Variants in PID1 observed in about 807,000 individuals in gnomAD.
PID1 encodes PTB-containing, cubilin and LRP1-interacting protein.
In PID1, 10 loss-of-function variants were observed where a neutral mutation model predicts 19.1. That is an observed-to-expected ratio of 0.52 (90% CI 0.32 to 0.89). The LOEUF (loss-of-function observed/expected upper bound fraction) is 0.89, where lower values mean the gene tolerates loss of function less well. PID1 is among the 40% of genes least tolerant of loss of function. PID1 has a pLI of 0.03. For missense variants in PID1, 248 were observed against 285.3 expected (o/e 0.87, Z 0.94); for synonymous variants, 130 against 116.0 (o/e 1.12, Z -0.78).
chr2:229,135,688 G>A (rs1037230484), intron 2 of PID1, among the ~76,000 whole-genome samples: 5 of 152,202 alleles, frequency 3.3e-5, no homozygotes, highest in South Asian at 2.1e-4. Context: ...GCTGGACTGA[G>A]GGATGTGTGG....
At chr2:229,198,028 T>C (rs975939613) in intron 1 of PID1, among the ~76,000 whole-genome samples, 2 of 152,012 alleles carry the variant, frequency 1.3e-5, no homozygotes, top group Non-Finnish European at 2.9e-5. Context: ...TTGATGCAAA[T>C]CCAACTAATT....
At chr2:229,266,633 T>C (rs1026815089) in intron 1 of PID1, among the ~76,000 whole-genome samples, 2 of 152,220 alleles carry the variant, frequency 1.3e-5, no homozygotes, top group Admixed American at 1.3e-4. Flanking sequence ...GAAGTAAGGA[T>C]TGGAACCAAA....
intron 2 of PID1, among the ~76,000 whole-genome samples, chr2:229,100,932 C>A (rs1176583152): frequency 6.6e-6 from 1 of 152,218 alleles, no homozygotes; most frequent in African/African-American, 2.4e-5. Flanking sequence ...TCTTAAAAAA[C>A]CCACTGAACT....
At chr2:229,027,023 A>C (rs963271955) in intron 2 of PID1, among the ~76,000 whole-genome samples, 1 of 152,244 alleles carries the variant, frequency 6.6e-6, no homozygotes, top group African/African-American at 2.4e-5. Flanking sequence ...AAATAATATG[A>C]AATAGTATAT....
chr2:229,166,779 G>A (rs191103999), intron 1 of PID1, among the ~76,000 whole-genome samples: 20 of 152,288 alleles, frequency 1.3e-4, no homozygotes, highest in Admixed American at 2.0e-4. Flanking sequence ...GCATCTTGTT[G>A]AGCTAGAAAT....
At chr2:229,175,871 C>T (rs1221555465) in intron 1 of PID1, among the ~76,000 whole-genome samples, 1 of 152,172 alleles carries the variant, frequency 6.6e-6, no homozygotes. Flanking sequence ...ATAGACTACG[C>T]AACACTAAGA....
At chr2:229,185,277 CATCT>C (rs1480032121) in intron 1 of PID1, among the ~76,000 whole-genome samples, 1 of 151,830 alleles carries the variant, frequency 6.6e-6, no homozygotes, top group Admixed American at 6.6e-5. Context: ...CATCCCTCAG[CATCT>C]GTCCGCCAAG....
At chr2:229,049,323 T>A (rs566511901) in intron 2 of PID1, among the ~76,000 whole-genome samples, 7 of 152,330 alleles carry the variant, frequency 4.6e-5, no homozygotes, top group African/African-American at 1.7e-4. Flanking sequence ...AATGACTTGT[T>A]CAATTTCTCT....
At chr2:229,039,040 TTAAGTAACGCCACTGTATACAG>T in intron 2 of PID1, among the ~76,000 whole-genome samples, 1 of 152,300 alleles carries the variant, frequency 6.6e-6, no homozygotes, top group East Asian at 1.9e-4. Context: ...TGCCCTCTAC[TTAAGTAACGCCACTGTATACAG>T]TATTAGGTAT....
At chr2:229,164,644 G>A (rs1419956) in intron 1 of PID1, among the ~76,000 whole-genome samples, 48,683 of 152,038 alleles carry the variant, frequency 0.32, 8,070 homozygotes, top group Non-Finnish European at 0.37. Context: ...AAAACAACCA[G>A]AAGTTAAGAA....
chr2:229,035,110 C>T (rs190111835), intron 2 of PID1, among the ~76,000 whole-genome samples: 7 of 152,268 alleles, frequency 4.6e-5, no homozygotes, highest in African/African-American at 1.2e-4. Context: ...GGGCATGGTG[C>T]CCACTCTTAG....
intron 1 of PID1, among the ~76,000 whole-genome samples, chr2:229,264,583 C>T (rs1038802969): frequency 2.0e-5 from 3 of 152,146 alleles, no homozygotes; most frequent in Non-Finnish European, 2.9e-5. Context: ...TTCTGTGCGT[C>T]GCACTTTCCT....
intron 2 of PID1, among the ~76,000 whole-genome samples, chr2:229,138,579 G>GA (rs886503480): frequency 2.6e-5 from 4 of 151,960 alleles, no homozygotes; most frequent in Admixed American, 1.3e-4. Flanking sequence ...TCCCTCCTCA[G>GA]AAAAAATGGA....
chr2:229,210,012 A>G (rs950983917), intron 1 of PID1, among the ~76,000 whole-genome samples: 3 of 152,132 alleles, frequency 2.0e-5, no homozygotes, highest in East Asian at 1.9e-4. Context: ...AAACCACAAA[A>G]TATCTCCCAA....
chr2:229,228,011 C>T (rs1422155945), intron 1 of PID1: 3 of 455,790 alleles, frequency 6.6e-6, no homozygotes, highest in East Asian at 1.4e-4. Flanking sequence ...TGAATCGATT[C>T]CCCAGGGATA....
chr2:229,026,239 C>T (rs1693420233), intron 2 of PID1, 131 bp from the exon 3 acceptor site: 1 of 665,046 alleles, frequency 1.5e-6, no homozygotes, highest in South Asian at 1.9e-5. Flanking sequence ...TTTCTTGCTC[C>T]CTGAAAGAAT....
chr2:229,219,337 C>A (rs1045903295), intron 1 of PID1, among the ~76,000 whole-genome samples: 1 of 152,112 alleles, frequency 6.6e-6, no homozygotes, highest in Non-Finnish European at 1.5e-5. Context: ...GCAAACATGT[C>A]CTTCTTCACA....
At chr2:229,199,909 A>G (rs866504418) in intron 1 of PID1, among the ~76,000 whole-genome samples, 1 of 151,952 alleles carries the variant, frequency 6.6e-6, no homozygotes, top group African/African-American at 2.4e-5. Flanking sequence ...TCAAATAACA[A>G]AAAGTTTCTA....
intron 2 of PID1, among the ~76,000 whole-genome samples, chr2:229,146,525 T>TTGTGTG (rs143860908): frequency 3.9e-4 from 58 of 148,724 alleles, no homozygotes; most frequent in African/African-American, 1.1e-3. Flanking sequence ...TGTGAACATT[T>TTGTGTG]TGTGTGTGTG....
Sources: gnomAD v4.1 joint callset for allele counts (sites outside exome capture counted in the v4.1 genomes callset) on GRCh38, gnomAD v4.1.1 for gene constraint, MANE v1.5 for transcripts, NCBI Gene and HGNC (gene_info 2026-07-23, HGNC 2026-07-21) for gene names.